Variants in CDON observed in about 807,000 individuals in gnomAD.
CDON encodes the protein cell adhesion molecule-related/down-regulated by oncogenes.
A neutral mutation model predicts 120.9 loss-of-function variants in CDON; 73 were observed. The observed-to-expected ratio is 0.60, with a 90% CI of 0.50 to 0.73. CDON has a LOEUF of 0.73. Ranked by LOEUF, CDON falls within the 30% of genes least tolerant of loss-of-function variation. The probability of loss-of-function intolerance (pLI) is 0.00; values close to 1 mark genes in which losing one functional copy is unlikely to be tolerated. For synonymous variants in CDON, 566 were observed against 573.5 expected (o/e 0.99, Z 0.19); for missense variants, 1,470 against 1,587.3 (o/e 0.93, Z 1.26).
At chr11:125,980,959 A>G (rs2134441422) in intron 17 of CDON, 90 bp downstream of exon 17, 6 of 1,336,354 alleles carry the variant, frequency 4.5e-6, no homozygotes, top group East Asian at 4.6e-5. Context: ...TGAGGTTTCT[A>G]TACTGAACAA....
intron 15 of CDON, among the ~76,000 whole-genome samples, chr11:125,987,509 C>T (rs1011801869): frequency 2.0e-5 from 3 of 152,138 alleles, no homozygotes; most frequent in South Asian, 2.1e-4. Flanking sequence ...TATGTAATTA[C>T]GTAAAAGTCA....
Position 125,960,752 on chromosome 11 carries a change from A to C in CDON, c.*190T>G. ...GAGGGGGAGGAAGGAATGGGGAAGA[A>C]AACATTTAAGGCATAAATAATATAA... On this transcript the variant is annotated 3_prime_UTR_variant, in exon 20 of 20. Coordinates refer to ENST00000531738, the MANE Select transcript of CDON (RefSeq NM_001378964.1). 3.2e-6 allele frequency: 2 copies of C among 626,676 alleles called. No homozygotes were observed. The highest frequency in any genetic ancestry group is 5.7e-6 in the Non-Finnish European group (2 of 352,992). The allele number at this position is 626,676 out of a possible 1,614,324, so 38.8% of individuals were successfully genotyped here. A position where few individuals can be genotyped will look rare whatever the true frequency, so the allele number is the denominator to read the frequency against.
At chr11:126,046,012 A>G (rs1948398127) in intron 1 of CDON, among the ~76,000 whole-genome samples, 1 of 152,164 alleles carries the variant, frequency 6.6e-6, no homozygotes, top group African/African-American at 2.4e-5. Flanking sequence ...TTCAAGGTTA[A>G]GTGCTAGCCC....
rs899749141 is a variant in CDON at position 126,034,383 on chromosome 11, G to A, written c.-61-10846C>T. Among the ~76,000 whole-genome samples the A allele has an allele frequency of 2.6e-5, 4 of 152,180 alleles. No individual in the cohort carries two copies. The highest frequency in any genetic ancestry group is 4.4e-5 in the Non-Finnish European group (3 of 68,014). Reference sequence around the variant, plus strand: ...CAACACAATGAAAAGGGCCCAGGACGAACCCCAGGAAAGGTCACTGAGATC... The same window carrying A: ...CAACACAATGAAAAGGGCCCAGGACAAACCCCAGGAAAGGTCACTGAGATC... On this transcript the variant is annotated intron_variant, in intron 1 of 19. Coordinates refer to ENST00000531738, the MANE Select transcript of CDON (RefSeq NM_001378964.1). The surrounding 1 kb of genome is among the most constrained non-coding windows in gnomAD (Gnocchi z 4.5).
intron 1 of CDON, among the ~76,000 whole-genome samples, chr11:126,038,516 G>C (rs972594369): frequency 6.6e-6 from 1 of 152,022 alleles, no homozygotes; most frequent in Non-Finnish European, 1.5e-5. Context: ...GCTGGGCATG[G>C]TGGCGGGCAC....
At chr11:126,059,965 T>C (rs1164394394) in intron 1 of CDON, among the ~76,000 whole-genome samples, 1 of 151,838 alleles carries the variant, frequency 6.6e-6, no homozygotes, top group Non-Finnish European at 1.5e-5. Context: ...CAGTTTTTCA[T>C]TTAATTGTAA....
rs978312869 is a variant in CDON, at chr11:126,039,090, G to T, written c.-61-15553C>A. Among the ~76,000 whole-genome samples the T allele has an allele frequency of 5.9e-5, 9 of 152,248 alleles. 1 individual carries two copies. In the South Asian group the frequency reaches 1.7e-3, roughly 28 times the overall value. On this transcript the variant is annotated intron_variant, in intron 1 of 19. Transcript: ENST00000531738. ...AGCTATTTCCATTTCTGTTGGAGAA[G>T]AATAAAAAGCCAACTTAAGTCTATG...
chr11:126,019,558 G>A (rs1369668714), intron 4 of CDON, 61 bp downstream of exon 4: 5 of 1,576,950 alleles, frequency 3.2e-6, no homozygotes, highest in Non-Finnish European at 4.4e-6. Flanking sequence ...GAGCTTAGAA[G>A]TAGCTTATTT....
In CDON at chr11:126,006,009, G is replaced by A; in HGVS notation, c.1601C>T (p.Ala534Val). The change falls in exon 9 of 20, where the codon GCT (alanine) becomes GTT (valine). Residue 534 changes from alanine (A) to valine (V), a missense_variant. Physicochemically the swap from Ala to Val is moderately conservative, Grantham distance 64. Coordinates refer to ENST00000531738, the MANE Select transcript of CDON (RefSeq NM_001378964.1). Reference sequence around the variant, plus strand: ...CTTACTTCTGTCATCATTCTGAGCAGCATCAGGAAGTGTGACTGTCTCTGC... The same window carrying A: ...CTTACTTCTGTCATCATTCTGAGCAACATCAGGAAGTGTGACTGTCTCTGC... ...TKAETVTLPD[A>V]AQNDDRSKRD... 1 of 1,614,116 alleles carries A rather than the reference G, an allele frequency of 6.2e-7. No homozygotes were observed. Among genetic ancestry groups the A allele is most frequent in the South Asian group, 1.1e-5 (1 of 91,090 alleles).
chr11:126,005,718 C>T, intron 9 of CDON, 41 bp downstream of exon 9: 1 of 1,576,914 alleles, frequency 6.3e-7, no homozygotes, highest in Non-Finnish European at 8.7e-7. Flanking sequence ...AAAGAACGTT[C>T]AGGTGTGAGC....
At chr11:126,040,355 T>C (rs555881748) in intron 1 of CDON, among the ~76,000 whole-genome samples, 27 of 152,300 alleles carry the variant, frequency 1.8e-4, no homozygotes, top group African/African-American at 5.5e-4. Flanking sequence ...ACCTGGGAAA[T>C]ACCTTGCACA....
intron 16 of CDON, among the ~76,000 whole-genome samples, chr11:125,981,981 T>C (rs1347942423): frequency 6.1e-5 from 7 of 114,208 alleles, no homozygotes; most frequent in African/African-American, 2.5e-4. Context: ...TTTTTTTTTT[T>C]TTTTTTTTTT....
intron 9 of CDON, 65 bp downstream of exon 9, chr11:126,005,694 A>G (rs1947100306): frequency 1.7e-5 from 24 of 1,431,682 alleles, no homozygotes; most frequent in Non-Finnish European, 2.4e-5. Context: ...AAAAGGCAAC[A>G]GTATATGTTA....
chr11:125,967,755 G>C (rs1332824109), intron 18 of CDON, among the ~76,000 whole-genome samples: 1 of 152,142 alleles, frequency 6.6e-6, no homozygotes, highest in Non-Finnish European at 1.5e-5. Context: ...TCCCACCTTA[G>C]CCTCCAGAGC....
chr11:126,035,181 C>T (rs1381819258), intron 1 of CDON, among the ~76,000 whole-genome samples: 1 of 152,118 alleles, frequency 6.6e-6, no homozygotes, highest in African/African-American at 2.4e-5. Flanking sequence ...AAAAAATCCT[C>T]AAGGAGAAAC....
At chr11:126,017,625 T>TGCTA (rs1285689762) in intron 5 of CDON, among the ~76,000 whole-genome samples, 1 of 152,020 alleles carries the variant, frequency 6.6e-6, no homozygotes, top group African/African-American at 2.4e-5. Context: ...GCTCTATTGG[T>TGCTA]GCTACCTCAA....
intron 18 of CDON, among the ~76,000 whole-genome samples, chr11:125,966,773 T>C (rs962470739): frequency 1.3e-5 from 2 of 151,944 alleles, no homozygotes; most frequent in African/African-American, 4.8e-5. Context: ...GCTGTACAGA[T>C]GATTTTTCAA....
rs1162972599 is a variant in CDON, at chr11:125,960,425, G to C, written c.*517C>G. 1 of 155,636 alleles carries C rather than the reference G, an allele frequency of 6.4e-6. No homozygotes were observed. Among genetic ancestry groups the C allele is most frequent in the Non-Finnish European group, 1.4e-5 (1 of 70,462 alleles). 9.6% of individuals were successfully genotyped at this position (155,636 alleles called of 1,614,324 possible). On this transcript the variant is annotated 3_prime_UTR_variant, in exon 20 of 20. Transcript: ENST00000531738. ...GAGAATTGCTTGAACCTGGGAGGCG[G>C]AGGTTGCAGTGAGCCAAGATCGAGC...
chr11:125,996,858 GA>G (rs931823003), intron 12 of CDON, among the ~76,000 whole-genome samples: 16 of 150,722 alleles, frequency 1.1e-4, no homozygotes, highest in African/African-American at 1.5e-4. Context: ...TTAACAATTC[GA>G]AAAAAAATAT....
Sources: gnomAD v4.1 joint callset for allele counts (sites outside exome capture counted in the v4.1 genomes callset) on GRCh38, gnomAD v4.1.1 for gene constraint, Gnocchi (gnomAD v3.1) non-coding constraint, MANE v1.5 for transcripts, NCBI Gene and HGNC (gene_info 2026-07-23, HGNC 2026-07-21) for gene names.